CHAF1A: variants seen among roughly 807,000 people sequenced by gnomAD.
The protein encoded by CHAF1A is CAF-1 subunit A.
In CHAF1A, 5 loss-of-function variants were observed where a neutral mutation model predicts 93.2. That is an observed-to-expected ratio of 0.05 (90% confidence interval 0.03 to 0.11). The LOEUF (loss-of-function observed/expected upper bound fraction) is 0.11. Among genes scored for constraint, CHAF1A ranks in the 10% least tolerant of loss-of-function variants. The pLI is 1.00. For missense variants in CHAF1A, 1,102 were observed against 1,259.9 expected, an observed-to-expected ratio of 0.87 and a Z score of 1.90; for synonymous variants, 504 against 510.3, an observed-to-expected ratio of 0.99 and a Z score of 0.17.
rs889105907 is a variant in CHAF1A, at chr19:4,402,728, G to A, written c.-35G>A. 2 of 1,193,400 alleles carry A rather than the reference G, an allele frequency of 1.7e-6. No homozygotes were observed. The highest frequency in any genetic ancestry group is 1.6e-5 in the African/African-American group (1 of 62,908). 73.9% of individuals were successfully genotyped at this position (1,193,400 alleles called of 1,614,324 possible). Reference sequence around the variant, plus strand: ...CCGCCTGAGGGGAGCCCGCGCCTCCGCCGCCTGAGAGGAGGTCGAGCTGCC... The same window carrying A: ...CCGCCTGAGGGGAGCCCGCGCCTCCACCGCCTGAGAGGAGGTCGAGCTGCC... On this transcript the variant is annotated 5_prime_UTR_variant, in exon 1 of 15. Transcript: ENST00000301280.
intron 13 of CHAF1A, among the ~76,000 whole-genome samples, chr19:4,436,146 A>G (rs537819357): frequency 6.7e-6 from 1 of 149,980 alleles, no homozygotes; most frequent in South Asian, 2.1e-4. Flanking sequence ...TCCCCCAAAA[A>G]AAAAAGAAAA....
intron 4 of CHAF1A, among the ~76,000 whole-genome samples, chr19:4,420,703 G>A (rs1973976606): frequency 1.3e-5 from 2 of 152,200 alleles, no homozygotes; most frequent in Admixed American, 6.5e-5. Flanking sequence ...CACTTTGGGA[G>A]GCCAAAGTGG....
intron 6 of CHAF1A, 108 bp from the exon 7 acceptor site, chr19:4,423,698 T>G: frequency 8.6e-7 from 1 of 1,156,754 alleles, no homozygotes; most frequent in Non-Finnish European, 1.3e-6. Flanking sequence ...CAGTAGTGCC[T>G]TCAAGCTAAA....
Position 4,409,334 on chromosome 19 carries a change from A to T in CHAF1A, c.535A>T (p.Ile179Phe), listed in dbSNP as rs1257993437. Residue 179 changes from isoleucine (I) to phenylalanine (F), a missense_variant, in exon 3 of 15, where the codon ATT becomes TTT. Ile to Phe is a conservative substitution (Grantham distance 21, BLOSUM62 0). Transcript: ENST00000301280. ...LAFPGETLSD[I>F]PCKTEEEGVG... ...ATTTCCTGGAGAGACCCTTTCAGAC[A>T]TTCCTTGCAAAACAGAGGAGGAGGG... 2 of 1,614,130 alleles carry T rather than the reference A, an allele frequency of 1.2e-6. No individual in the cohort carries two copies. Among genetic ancestry groups the T allele is most frequent in the East Asian group, 2.2e-5 (1 of 44,880 alleles).
intron 13 of CHAF1A, among the ~76,000 whole-genome samples, chr19:4,435,321 G>A (rs926227179): frequency 4.0e-5 from 6 of 151,310 alleles, no homozygotes; most frequent in South Asian, 2.1e-4. Context: ...CTCGTGATCC[G>A]CCCGCCTTAG....
At chr19:4,446,398 C>G (rs373552202), downstream of CHAF1A, 4 of 1,578,388 alleles carry the variant, frequency 2.5e-6, no homozygotes, top group African/African-American at 4.0e-5. Flanking sequence ...CGCTCAGCCG[C>G]TCCACCGCCT....
chr19:4,444,244 C>G (rs530934000), downstream of CHAF1A, among the ~76,000 whole-genome samples: 1 of 152,146 alleles, frequency 6.6e-6, no homozygotes. Context: ...GTCAGGGGCA[C>G]GAGCATAGGC....
chr19:4,414,213 C>T (rs1030603950), intron 3 of CHAF1A, among the ~76,000 whole-genome samples: 3 of 152,030 alleles, frequency 2.0e-5, no homozygotes, highest in African/African-American at 7.2e-5. Context: ...CCAGCTTGAC[C>T]AACATGGTGA....
At chr19:4,405,465 G>A (rs1414186228) in intron 1 of CHAF1A, among the ~76,000 whole-genome samples, 2 of 152,030 alleles carry the variant, frequency 1.3e-5, no homozygotes, top group Admixed American at 1.3e-4. Context: ...AAAATTAGCC[G>A]AGAGTGGTGG....
intron 14 of CHAF1A, among the ~76,000 whole-genome samples, chr19:4,442,599 G>C (rs1246658175): frequency 6.6e-6 from 1 of 152,254 alleles, no homozygotes; most frequent in Admixed American, 6.5e-5. Context: ...TTAGATGGGG[G>C]TCAGGGAAGG....
At position 4,409,021 on chromosome 19, in the gene CHAF1A, C is replaced by T; in HGVS notation, c.222C>T (p.Thr74=). Residue 74 remains threonine (T), a synonymous_variant, in exon 3 of 15, where the codon ACC becomes ACT. Coordinates refer to ENST00000301280, the MANE Select transcript of CHAF1A (RefSeq NM_005483.3). The stretch of plus-strand genomic sequence containing the variant: ...CCGATTTAGAGGCCTCTTTGGACAC[C>T]TTGGAAAACAACTGTCATGTGGGTT... ...KSPDLEASLD[T]LENNCHVGSD... is the part of the protein sequence containing the mutation. 1 of 1,614,160 alleles carries T rather than the reference C, an allele frequency of 6.2e-7. No individual in the cohort carries two copies. Among genetic ancestry groups the T allele is most frequent in the Non-Finnish European group, 8.5e-7 (1 of 1,180,034 alleles).
chr19:4,402,913 C>T (rs1973610549), intron 1 of CHAF1A, 99 bp downstream of exon 1: 1 of 734,830 alleles, frequency 1.4e-6, no homozygotes, highest in Admixed American at 4.7e-5. Context: ...GGGCGCCAAG[C>T]CTGGTCCTGC....
At chr19:4,423,956 C>G in intron 7 of CHAF1A, 82 bp downstream of exon 7, 2 of 1,344,928 alleles carry the variant, frequency 1.5e-6, no homozygotes, top group Non-Finnish European at 2.1e-6. Context: ...CTCTCCCCAG[C>G]CAGCTTCTCT....
chr19:4,438,496 T>C (rs1007457475), intron 13 of CHAF1A, among the ~76,000 whole-genome samples: 1 of 152,062 alleles, frequency 6.6e-6, no homozygotes, highest in African/African-American at 2.4e-5. Context: ...AGGGAGTCTT[T>C]AAATCTTTTT....
At chr19:4,448,287 G>T, downstream of CHAF1A, 3 of 1,565,022 alleles carry the variant, frequency 1.9e-6, no homozygotes, top group Non-Finnish European at 8.7e-7. Context: ...AGCTGGAGGG[G>T]CCAGGCAGGG....
At chr19:4,448,566 C>A (rs977422278), downstream of CHAF1A, 39 of 667,934 alleles carry the variant, frequency 5.8e-5, no homozygotes, top group Non-Finnish European at 8.8e-5. Flanking sequence ...AAAAGAGAGA[C>A]CCTCCAAGAC....
At chr19:4,407,247 C>CAAA (rs5826845) in intron 2 of CHAF1A, among the ~76,000 whole-genome samples, 39 of 143,406 alleles carry the variant, frequency 2.7e-4, no homozygotes, top group Middle Eastern at 3.5e-3. Flanking sequence ...ACACCCCCCC[C>CAAA]AAAAAAAAAC....
rs530286770 is a variant in CHAF1A at position 4,417,963 on chromosome 19, T to A, written c.961-57T>A. Reference sequence around the variant, plus strand: ...ACTGATCACCTGGAAAGGTTTCTCTTTTTCTCGAAGCAATTGAAATAACCC... The same window carrying A: ...ACTGATCACCTGGAAAGGTTTCTCTATTTCTCGAAGCAATTGAAATAACCC... On this transcript the variant is annotated intron_variant, in intron 3 of 14. Coordinates refer to ENST00000301280, the MANE Select transcript of CHAF1A (RefSeq NM_005483.3). 1.6e-4 allele frequency: 205 copies of A among 1,309,436 alleles called. No individual in the cohort carries two copies. In the African/African-American group the frequency reaches 2.9e-3, roughly 19 times the overall value. 81.1% of individuals were successfully genotyped at this position (1,309,436 alleles called of 1,614,324 possible).
At chr19:4,420,359 C>CG (rs1483716608) in intron 4 of CHAF1A, among the ~76,000 whole-genome samples, 10 of 152,212 alleles carry the variant, frequency 6.6e-5, no homozygotes, top group Non-Finnish European at 1.3e-4. Flanking sequence ...TCTCCTGCCT[C>CG]GGTCTCCCAA....
Sources: gnomAD v4.1 joint callset for allele counts (sites outside exome capture counted in the v4.1 genomes callset) on GRCh38, gnomAD v4.1.1 for gene constraint, MANE v1.5 for transcripts, NCBI Gene and HGNC (gene_info 2026-07-23, HGNC 2026-07-21) for gene names.